The following EYS variants were observed in gnomAD, a reference collection of about 807,000 sequenced individuals.
EYS encodes EGF-like photoreceptor maintenance factor.
EYS carries 250 observed loss-of-function variants against 282.1 expected under a neutral mutation model. The ratio of observed to expected loss-of-function variants is 0.89; its 90% CI spans 0.80 to 0.98. The LOEUF is 0.98. EYS is among the 50% of genes least tolerant of loss of function. The pLI is 0.00. For synonymous variants in EYS, 1,355 were observed against 1,282.9 expected, an observed-to-expected ratio of 1.06 and a Z score of -1.20; for missense variants, 4,016 against 3,709.0, an observed-to-expected ratio of 1.08 and a Z score of -2.15.
intron 2 of EYS, among the ~76,000 whole-genome samples, chr6:65,512,413 C>T (rs372679919): frequency 3.9e-4 from 58 of 149,288 alleles, no homozygotes; most frequent in Non-Finnish European, 6.4e-4. Flanking sequence ...GGCATGAACC[C>T]GGGAGGCGGA....
At chr6:65,439,645 C>T (rs1449565245) in intron 5 of EYS, among the ~76,000 whole-genome samples, 1 of 152,098 alleles carries the variant, frequency 6.6e-6, no homozygotes, top group South Asian at 2.1e-4. Context: ...ATTTGGCTCT[C>T]TGTTTTTCTG....
At chr6:65,478,340 A>G (rs948314073) in intron 5 of EYS, among the ~76,000 whole-genome samples, 2 of 152,158 alleles carry the variant, frequency 1.3e-5, no homozygotes, top group African/African-American at 4.8e-5. Flanking sequence ...TAAACACCTG[A>G]ATGCCATAAA....
In EYS at chr6:65,003,528, C is replaced by T. The variant is rs1226871057; in HGVS notation, c.2138-5825G>A. Reference sequence around the variant, plus strand: ...TGATATTCTATTACCTTGTAAAGTACTTGATGTCTGTGACCCACACCTATT... The same window carrying T: ...TGATATTCTATTACCTTGTAAAGTATTTGATGTCTGTGACCCACACCTATT... On this transcript the variant is annotated intron_variant, in intron 13 of 42. Transcript: ENST00000503581. 5.4e-5 allele frequency among the ~76,000 whole-genome samples: 8 copies of T among 147,400 alleles called. 2 individuals are homozygous for T. Among genetic ancestry groups the T allele is most frequent in the Non-Finnish European group, 1.2e-4 (8 of 65,842 alleles).
At chr6:65,360,707 A>G (rs1764668990) in intron 8 of EYS, among the ~76,000 whole-genome samples, 1 of 152,062 alleles carries the variant, frequency 6.6e-6, no homozygotes, top group Non-Finnish European at 1.5e-5. Context: ...TTATGCTAAA[A>G]AGAGACAAAA....
chr6:63,944,777 TA>T (rs1328568521), intron 35 of EYS, among the ~76,000 whole-genome samples: 5 of 150,806 alleles, frequency 3.3e-5, no homozygotes, highest in Admixed American at 2.0e-4. Flanking sequence ...AAAATAAAAA[TA>T]AAAAAAATAG....
intron 2 of EYS, among the ~76,000 whole-genome samples, chr6:65,504,495 T>C (rs1582388001): frequency 2.6e-5 from 4 of 151,878 alleles, no homozygotes; most frequent in Middle Eastern, 3.4e-3. Flanking sequence ...TGGAGGAAAG[T>C]ATCCATTTTT....
Position 64,912,466 on chromosome 6 carries a change from A to C in EYS, c.2641+18T>G, listed in dbSNP as rs2150076724. 6.5e-7 allele frequency: 1 copy of C among 1,546,860 alleles called. No individual in the cohort carries two copies. Among genetic ancestry groups the C allele is most frequent in the Non-Finnish European group, 8.8e-7 (1 of 1,142,792 alleles). On this transcript the variant is annotated intron_variant, in intron 16 of 42. Coordinates refer to ENST00000503581, the MANE Select transcript of EYS (RefSeq NM_001142800.2). The stretch of plus-strand genomic sequence containing the variant: ...TAAGTAATTATTTAAAAACAATAAA[A>C]TCCATATTAGCTCTTACCTTCTCTA...
chr6:63,954,590 A>G (rs753835953), intron 35 of EYS, among the ~76,000 whole-genome samples: 2 of 152,206 alleles, frequency 1.3e-5, no homozygotes, highest in African/African-American at 2.4e-5. Context: ...AAGGGCCATC[A>G]AAAGGCATCA....
At chr6:65,296,553 T>C (rs528396185) in intron 11 of EYS, among the ~76,000 whole-genome samples, 1 of 151,866 alleles carries the variant, frequency 6.6e-6, no homozygotes, top group East Asian at 1.9e-4. Flanking sequence ...TATATAAGAT[T>C]ATTCAAACTC....
At chr6:65,284,800 T>C (rs1768315539) in intron 12 of EYS, among the ~76,000 whole-genome samples, 1 of 152,082 alleles carries the variant, frequency 6.6e-6, no homozygotes, top group Admixed American at 6.6e-5. Flanking sequence ...TGAAGCGTAT[T>C]TAAAAATACC....
At chr6:64,328,056 A>G (rs1301619914) in intron 29 of EYS, among the ~76,000 whole-genome samples, 1 of 152,140 alleles carries the variant, frequency 6.6e-6, no homozygotes, top group Non-Finnish European at 1.5e-5. Context: ...TCCAAGGGGG[A>G]GAATGGCTCT....
intron 11 of EYS, among the ~76,000 whole-genome samples, chr6:65,321,762 T>C (rs1039471): frequency 6.6e-6 from 1 of 151,946 alleles, no homozygotes; most frequent in Admixed American, 6.6e-5. Context: ...GGCACAAAGA[T>C]GTTGTGTGAG....
intron 26 of EYS, among the ~76,000 whole-genome samples, chr6:64,567,874 A>G (rs1765609721): frequency 6.6e-6 from 1 of 152,224 alleles, no homozygotes; most frequent in African/African-American, 2.4e-5. Flanking sequence ...ACTGACCAGT[A>G]CAACTAAAAC....
intron 21 of EYS, among the ~76,000 whole-genome samples, chr6:64,816,955 TA>T (rs1304139220): frequency 1.3e-5 from 2 of 151,166 alleles, no homozygotes; most frequent in African/African-American, 4.8e-5. Context: ...CAATATATGG[TA>T]GTATAGAATA....
intron 11 of EYS, chr6:65,300,945 G>C (rs949805812): frequency 6.6e-6 from 1 of 152,134 alleles, no homozygotes; most frequent in African/African-American, 2.4e-5. Context: ...CAGGCTGTTC[G>C]CACAGATAAA....
chr6:65,187,620 A>T (rs1765544794), intron 12 of EYS, among the ~76,000 whole-genome samples: 1 of 151,662 alleles, frequency 6.6e-6, no homozygotes, highest in South Asian at 2.1e-4. Flanking sequence ...TAGTGTTGTC[A>T]GTTAAGCAAG....
intron 8 of EYS, among the ~76,000 whole-genome samples, chr6:65,363,772 T>C (rs1015831086): frequency 1.3e-5 from 2 of 151,774 alleles, no homozygotes; most frequent in African/African-American, 4.8e-5. Context: ...TAAATATATG[T>C]GTCACATATT....
chr6:65,087,833 G>C (rs981471098), intron 12 of EYS, among the ~76,000 whole-genome samples: 18 of 152,274 alleles, frequency 1.2e-4, no homozygotes, highest in Admixed American at 8.5e-4. Context: ...GTTTGACTCT[G>C]TGTCCCCACA....
chr6:65,449,955 C>A (rs76209367), intron 5 of EYS, among the ~76,000 whole-genome samples: 1 of 152,060 alleles, frequency 6.6e-6, no homozygotes, highest in African/African-American at 2.4e-5. Flanking sequence ...ATTTTAAACA[C>A]TTTAGCACAT....
Sources: gnomAD v4.1 joint callset for allele counts (sites outside exome capture counted in the v4.1 genomes callset) on GRCh38, gnomAD v4.1.1 for gene constraint, MANE v1.5 for transcripts, NCBI Gene and HGNC (gene_info 2026-07-23, HGNC 2026-07-21) for gene names.